Variants in POTEI observed in about 807,000 individuals in gnomAD.
POTEI encodes the protein POTE ankyrin domain family member I.
POTEI carries 14 observed loss-of-function variants against 43.4 expected under a neutral mutation model. That is an observed-to-expected ratio of 0.32 (90% CI 0.21 to 0.50). The LOEUF is 0.50. Among genes scored for constraint, POTEI ranks in the 20% least tolerant of loss-of-function variants. The pLI is 0.98. For synonymous variants in POTEI, 95 were observed against 297.9 expected, an observed-to-expected ratio of 0.32 and a Z score of 7.01; for missense variants, 235 against 795.4, an observed-to-expected ratio of 0.30 and a Z score of 8.47.
At chr2:130,468,576 C>T (rs1682931901) in intron 13 of POTEI, among the ~76,000 whole-genome samples, 1 of 151,906 alleles carries the variant, frequency 6.6e-6, no homozygotes, top group African/African-American at 2.4e-5. Flanking sequence ...AGAACTCACT[C>T]ACTATCACAA....
At position 130,509,046 on chromosome 2, in the gene POTEI, A is replaced by G. The variant is rs751049778; in HGVS notation, c.190T>C (p.Trp64Arg). ...MKTLRSKMGK[W>R]CCHCFPCCRG... is the part of the protein sequence containing the mutation. ...CAGCAGGGGAAGCAGTGGCAGCACCACTTGCCCATCTTGCTCCTGAGTGTC... is the reference window on the plus strand; with the variant it reads ...CAGCAGGGGAAGCAGTGGCAGCACCGCTTGCCCATCTTGCTCCTGAGTGTC... The change falls in exon 1 of 15, where the codon TGG (tryptophan) becomes CGG (arginine). Residue 64 changes from tryptophan to arginine, a missense_variant. Trp to Arg is a moderately radical substitution (Grantham distance 101, BLOSUM62 -3). Transcript: ENST00000451531. 2.0e-6 allele frequency: 3 copies of G among 1,508,718 alleles called. No homozygotes were observed. The highest frequency in any genetic ancestry group is 2.7e-6 in the Non-Finnish European group (3 of 1,106,532). 93.5% of individuals were successfully genotyped at this position (1,508,718 alleles called of 1,614,324 possible).
At chr2:130,479,228 C>A (rs1683311382) in intron 10 of POTEI, among the ~76,000 whole-genome samples, 1 of 150,042 alleles carries the variant, frequency 6.7e-6, no homozygotes, top group Admixed American at 6.6e-5. Flanking sequence ...AAAATGACTT[C>A]TATTTAAAAG....
chr2:130,477,296 G>T (rs1683232782), intron 10 of POTEI, among the ~76,000 whole-genome samples: 1 of 146,030 alleles, frequency 6.8e-6, no homozygotes. Context: ...TGTGATTACA[G>T]GCAAGCACCA....
At chr2:130,486,837 A>C (rs1459214730) in intron 9 of POTEI, among the ~76,000 whole-genome samples, 1 of 118,988 alleles carries the variant, frequency 8.4e-6, no homozygotes, top group African/African-American at 3.2e-5. Flanking sequence ...AAGCTGGCCA[A>C]CTCCTGGTTT....
In POTEI at chr2:130,484,199, GT is replaced by G. The variant is rs1161751219; in HGVS notation, c.1410-2127del. Among the ~76,000 whole-genome samples the G allele has an allele frequency of 5.9e-4, 88 of 149,476 alleles. 1 individual carries two copies. The highest frequency in any genetic ancestry group is 1.8e-3 in the African/African-American group (74 of 40,254). On this transcript the variant is annotated intron_variant, in intron 9 of 14. Transcript: ENST00000451531. ...CCAGAAGAGTCCCTGCTGAGAAAGG[GT>G]TTTTTTTTTCTAATACAAAAAACCT...
At chr2:130,479,693 A>G (rs905604862) in intron 10 of POTEI, among the ~76,000 whole-genome samples, 1 of 56,250 alleles carries the variant, frequency 1.8e-5, no homozygotes, top group African/African-American at 6.9e-5. Context: ...CCTTTAAAGA[A>G]AAAGCCTGCT....
intron 1 of POTEI, among the ~76,000 whole-genome samples, chr2:130,507,445 TAGGC>T: frequency 1.9e-5 from 2 of 107,952 alleles, no homozygotes; most frequent in Admixed American, 2.1e-4. Flanking sequence ...CGTATATAAA[TAGGC>T]ATTTATATTT....
Position 130,461,485 on chromosome 2 carries a change from T to G in POTEI, c.*1331A>C, listed in dbSNP as rs1682634498. The G allele has an allele frequency of 6.6e-6, 1 of 152,452 alleles. No individual in the cohort carries two copies. Among genetic ancestry groups the G allele is most frequent in the Admixed American group, 6.5e-5 (1 of 15,314 alleles). 9.4% of individuals were successfully genotyped at this position (152,452 alleles called of 1,614,324 possible). On this transcript the variant is annotated 3_prime_UTR_variant, in exon 15 of 15. Coordinates refer to ENST00000451531, the MANE Select transcript of POTEI (RefSeq NM_001277406.2). ...TCTGGCCACGTTTTGGTAGCGTGGC[T>G]GTGCTGTGCTGAGGTACCTCTTCCA...
chr2:130,507,307 T>G (rs1257903517), intron 1 of POTEI, among the ~76,000 whole-genome samples: 1 of 12,392 alleles, frequency 8.1e-5, no homozygotes, highest in Non-Finnish European at 4.0e-4. Flanking sequence ...TATATATATA[T>G]ATATATATAT....
intron 9 of POTEI, among the ~76,000 whole-genome samples, chr2:130,487,010 C>T (rs1378730363): frequency 5.3e-5 from 2 of 37,638 alleles, no homozygotes; most frequent in Non-Finnish European, 1.5e-4. Flanking sequence ...TAATAACTAG[C>T]AATCTTGTTG....
intron 8 of POTEI, among the ~76,000 whole-genome samples, chr2:130,488,746 G>GA (rs1013019670): frequency 2.0e-5 from 2 of 101,228 alleles, no homozygotes; most frequent in African/African-American, 7.0e-5. Context: ...TCAAAAACAT[G>GA]ATGGTGCTCA....
chr2:130,509,214 T>C lies in POTEI; in HGVS notation c.22A>G (p.Met8Val). The C allele has an allele frequency of 6.2e-6, 9 of 1,444,374 alleles. No individual in the cohort carries two copies. Among genetic ancestry groups the C allele is most frequent in the African/African-American group, 1.8e-5 (1 of 55,788 alleles). 89.5% of individuals were successfully genotyped at this position (1,444,374 alleles called of 1,614,324 possible). A position where few individuals can be genotyped will look rare whatever the true frequency, so the allele number is the denominator to read the frequency against. The change falls in exon 1 of 15, where the codon ATG becomes GTG. Residue 8 changes from methionine (M) to valine (V), a missense_variant. Physicochemically the swap from Met to Val is conservative, Grantham distance 21. Coordinates refer to ENST00000451531, the MANE Select transcript of POTEI (RefSeq NM_001277406.2). ...TTCTTCACAGAAGAGGCAGCCGGCATTGAATCAACCTCAGCTACCATCTGC... is the reference window on the plus strand; with the variant it reads ...TTCTTCACAGAAGAGGCAGCCGGCACTGAATCAACCTCAGCTACCATCTGC... MVAEVDS[M>V]PAASSVKKPF...
At chr2:130,474,101 A>C (rs1353553991) in intron 13 of POTEI, among the ~76,000 whole-genome samples, 4 of 148,252 alleles carry the variant, frequency 2.7e-5, no homozygotes, top group African/African-American at 1.0e-4. Flanking sequence ...TATATAATAA[A>C]CCTGCACACG....
chr2:130,507,223 C>T (rs1269599728), intron 1 of POTEI, among the ~76,000 whole-genome samples: 4 of 74,640 alleles, frequency 5.4e-5, no homozygotes, highest in African/African-American at 1.8e-4. Flanking sequence ...GAGATCACAC[C>T]ACTGCACTCC....
chr2:130,491,671 T>G (rs1414213638), intron 6 of POTEI, among the ~76,000 whole-genome samples: 1 of 24,964 alleles, frequency 4.0e-5, no homozygotes, highest in African/African-American at 7.8e-5. Context: ...TTTTTTTTTT[T>G]GAGCCAGGGT....
intron 6 of POTEI, among the ~76,000 whole-genome samples, chr2:130,491,716 A>G (rs1683743188): frequency 2.0e-5 from 2 of 97,864 alleles, no homozygotes; most frequent in Non-Finnish European, 4.5e-5. Flanking sequence ...GCAGTGGCGC[A>G]ATCTCAGCTC....
In POTEI at chr2:130,463,622, C is replaced by T. The variant is rs1291058279; in HGVS notation, c.2422G>A (p.Ala808Thr). ...PEEHPILLTE[A>T]PLNPKANREK... The stretch of plus-strand genomic sequence containing the variant: ...CGGTTGGCCTTGGGGTTCAGGGGGG[C>T]CTCGGTCAGCAGGATGGGGTGCTCC... The change falls in exon 15 of 15, where the codon GCC becomes ACC. Residue 808 changes from alanine to threonine, a missense_variant. Coordinates refer to ENST00000451531, the MANE Select transcript of POTEI (RefSeq NM_001277406.2). 14 of 1,606,488 alleles carry T rather than the reference C, an allele frequency of 8.7e-6. No homozygotes were observed. Among genetic ancestry groups the T allele is most frequent in the Non-Finnish European group, 1.2e-5 (14 of 1,179,252 alleles).
rs1342512542 is a variant in POTEI, at chr2:130,508,715, C to T, written c.521G>A (p.Arg174Lys). The change falls in exon 1 of 15, where the codon AGG becomes AAG. Residue 174 changes from arginine to lysine, a missense_variant and splice_region_variant. Arg to Lys is a conservative substitution (Grantham distance 26, BLOSUM62 2). Coordinates refer to ENST00000451531, the MANE Select transcript of POTEI (RefSeq NM_001277406.2). ...TDVNKQDKQK[R>K]TALHLASANG... ...CTCCTCCCAGCCCAGGCCTGGTTACCTCTTTTGCTTGTCCTGCTTGTTCAC... is the reference window on the plus strand; with the variant it reads ...CTCCTCCCAGCCCAGGCCTGGTTACTTCTTTTGCTTGTCCTGCTTGTTCAC... 9.1e-7 allele frequency: 1 copy of T among 1,104,710 alleles called. No homozygotes were observed. Among genetic ancestry groups the T allele is most frequent in the Non-Finnish European group, 1.2e-6 (1 of 810,896 alleles). The allele number at this position is 1,104,710 out of a possible 1,614,324, so 68.4% of individuals were successfully genotyped here. A position where few individuals can be genotyped will look rare whatever the true frequency, so the allele number is the denominator to read the frequency against.
rs755787111 is a variant in POTEI, at chr2:130,463,610, G to C, written c.2434C>G (p.Pro812Ala). ...PILLTEAPLN[P>A]KANREKMTQI... is the part of the protein sequence containing the mutation. ...GTCATCTTCTCGCGGTTGGCCTTGG[G>C]GTTCAGGGGGGCCTCGGTCAGCAGG... Residue 812 changes from proline to alanine, a missense_variant, in exon 15 of 15, where the codon CCC becomes GCC. Pro to Ala is a conservative substitution (Grantham distance 27). Coordinates refer to ENST00000451531, the MANE Select transcript of POTEI (RefSeq NM_001277406.2). The C allele has an allele frequency of 3.1e-5, 49 of 1,605,738 alleles. 4 individuals carry two copies. In the East Asian group the frequency reaches 1.1e-3, roughly 37 times the overall value.
Sources: gnomAD v4.1 joint callset for allele counts (sites outside exome capture counted in the v4.1 genomes callset) on GRCh38, gnomAD v4.1.1 for gene constraint, MANE v1.5 for transcripts, NCBI Gene and HGNC (gene_info 2026-07-23, HGNC 2026-07-21) for gene names.